GOLGB1: variants seen among roughly 807,000 people sequenced by gnomAD.
GOLGB1 encodes golgin subfamily B member 1.
In GOLGB1, 174 loss-of-function variants were observed where a neutral mutation model predicts 336.9. The ratio of observed to expected loss-of-function variants is 0.52; its 90% CI spans 0.46 to 0.59. GOLGB1 has a LOEUF of 0.59. GOLGB1 is among the 20% of genes least tolerant of loss of function. GOLGB1 has a pLI of 0.00. For missense variants in GOLGB1, 3,331 were observed against 3,645.3 expected, an observed-to-expected ratio of 0.91 and a Z score of 2.22; for synonymous variants, 1,208 against 1,289.2, an observed-to-expected ratio of 0.94 and a Z score of 1.35.
chr3:121,667,407 C>T (rs1296114972), intron 20 of GOLGB1, 69 bp downstream of exon 20: 2 of 1,472,228 alleles, frequency 1.4e-6, no homozygotes, highest in East Asian at 2.3e-5. Context: ...CTAAGTCTGG[C>T]AGGAAATGTA....
chr3:121,749,276 T>C (rs772029868), intron 1 of GOLGB1: 4 of 152,386 alleles, frequency 2.6e-5, no homozygotes, highest in Non-Finnish European at 5.9e-5. Context: ...GGAGGCCGAC[T>C]TAGGCAGGCC....
chr3:121,729,416 A>G, intron 3 of GOLGB1, 76 bp from the exon 4 acceptor site: 2 of 1,166,636 alleles, frequency 1.7e-6, no homozygotes, highest in Non-Finnish European at 2.4e-6. Flanking sequence ...AGTTATTTTT[A>G]TTATTATTAC....
At chr3:121,680,880 A>G (rs1162246603) in intron 15 of GOLGB1, among the ~76,000 whole-genome samples, 1 of 152,366 alleles carries the variant, frequency 6.6e-6, no homozygotes, top group East Asian at 1.9e-4. Flanking sequence ...GATGTCAAAT[A>G]CACACATTAA....
At position 121,717,099 on chromosome 3, in the gene GOLGB1, T is replaced by C. The variant is rs116754808; in HGVS notation, c.926A>G (p.Asn309Ser). 147 of 1,613,168 alleles carry C rather than the reference T, an allele frequency of 9.1e-5. 2 individuals carry two copies. In the East Asian group the frequency reaches 3.3e-3, roughly 36 times the overall value. The change falls in exon 9 of 22, where the codon AAT becomes AGT. Residue 309 changes from asparagine to serine, a missense_variant. Asn to Ser is a conservative substitution (Grantham distance 46). Coordinates refer to ENST00000614479, the MANE Select transcript of GOLGB1 (RefSeq NM_001366282.2). Reference protein sequence around the residue: ...QQLQQMEAEHNTLRNTVETER... With the variant: ...QQLQQMEAEHSTLRNTVETER... ...TGTTTCCACAGTGTTCCTCAAAGTA[T>C]TATGCTCAGCTTCCATCTGCTGTAA...
intron 4 of GOLGB1, among the ~76,000 whole-genome samples, chr3:121,727,658 AT>A (rs1413416059): frequency 2.6e-5 from 4 of 151,748 alleles, no homozygotes; most frequent in African/African-American, 9.7e-5. Context: ...GGGAAATCCA[AT>A]TTTTTCAATA....
intron 9 of GOLGB1, 152 bp from the exon 10 acceptor site, chr3:121,715,128 G>A (rs1205256954): frequency 7.6e-6 from 4 of 527,762 alleles, no homozygotes; most frequent in African/African-American, 5.9e-5. Flanking sequence ...TTAGCTAAAT[G>A]TTAAATGTTC....
intron 14 of GOLGB1, among the ~76,000 whole-genome samples, chr3:121,683,152 T>C (rs1332050513): frequency 7.0e-6 from 1 of 142,894 alleles, no homozygotes; most frequent in African/African-American, 2.6e-5. Context: ...TCCCTCCACC[T>C]TGGCCTCCCG....
intron 1 of GOLGB1, among the ~76,000 whole-genome samples, chr3:121,737,867 C>T (rs1257632289): frequency 6.6e-6 from 1 of 151,768 alleles, no homozygotes; most frequent in East Asian, 1.9e-4. Context: ...GGAAAAGATA[C>T]GTGAGACAGA....
chr3:121,676,847 T>A, intron 17 of GOLGB1, 46 bp downstream of exon 17: 1 of 1,578,234 alleles, frequency 6.3e-7, no homozygotes, highest in South Asian at 1.1e-5. Context: ...CTTGTTCCAG[T>A]CATGGAAAAA....
rs369930739 is a variant in GOLGB1, at chr3:121,696,228, G to C, written c.4295C>G (p.Thr1432Arg). The C allele has an allele frequency of 3.7e-6, 6 of 1,613,774 alleles. No individual in the cohort carries two copies. Among genetic ancestry groups the C allele is most frequent in the Non-Finnish European group, 5.1e-6 (6 of 1,179,870 alleles). Residue 1432 changes from threonine to arginine, a missense_variant, in exon 13 of 22, where the codon ACA becomes AGA. Transcript: ENST00000614479. ...EKEAALTKIQ[T>R]EIIEQEDLIK... Reference sequence around the variant, plus strand: ...TAAATCTTCTTGTTCTATTATCTCTGTCTGTATTTTAGTGAGAGCTGCTTC... The same window carrying C: ...TAAATCTTCTTGTTCTATTATCTCTCTCTGTATTTTAGTGAGAGCTGCTTC...
rs149032550 is a variant in GOLGB1 at position 121,694,183 on chromosome 3, T to C, written c.6340A>G (p.Lys2114Glu). 8.7e-6 allele frequency: 14 copies of C among 1,613,296 alleles called. No homozygotes were observed. The African/African-American group carries it at 1.3e-4, about 15-fold the overall frequency. The change falls in exon 13 of 22, where the codon AAA (lysine) becomes GAA (glutamate). Residue 2114 changes from lysine (K) to glutamate (E), a missense_variant. Lys to Glu is a moderately conservative substitution (Grantham distance 56). Transcript: ENST00000614479. ...LKLKKELQSN[K>E]ESVKSQMKQK... ...TTCATCTGGCTTTTAACTGATTCTT[T>C]ATTTGACTGAAGTTCCTTTTTCAAC... is the stretch of plus-strand genomic sequence containing the variant.
At chr3:121,721,303 A>G (rs1945177152) in intron 6 of GOLGB1, among the ~76,000 whole-genome samples, 1 of 152,008 alleles carries the variant, frequency 6.6e-6, no homozygotes, top group African/African-American at 2.4e-5. Flanking sequence ...AGGGAAAAAA[A>G]TCTTTCATGA....
intron 10 of GOLGB1, among the ~76,000 whole-genome samples, chr3:121,704,776 C>CAA (rs71133560): frequency 0.19 from 20,565 of 106,152 alleles, 2,723 homozygotes; most frequent in Non-Finnish European, 0.23. Flanking sequence ...AACTCCATCT[C>CAA]AAAAAAAAAA....
Position 121,706,805 on chromosome 3 carries a change from C to T in GOLGB1, c.1405-4210G>A, listed in dbSNP as rs879788000. Among the ~76,000 whole-genome samples, 16 of 129,702 alleles carry T rather than the reference C, an allele frequency of 1.2e-4. No homozygotes were observed. In the Admixed American group the frequency reaches 1.3e-3, roughly 10 times the overall value. 85.1% of individuals were successfully genotyped at this position (129,702 alleles called of 152,430 possible). A position where few individuals can be genotyped will look rare whatever the true frequency, so the allele number is the denominator to read the frequency against. ...CAAGAAAGAAGACAGTAGAGTAATA[C>T]ACTTAGAGAAATGAAAGAAAAAAAA... is the stretch of plus-strand genomic sequence containing the variant. On this transcript the variant is annotated intron_variant, in intron 10 of 21. Coordinates refer to ENST00000614479, the MANE Select transcript of GOLGB1 (RefSeq NM_001366282.2).
In GOLGB1 at chr3:121,696,084, C is replaced by T. The variant is rs746736190; in HGVS notation, c.4439G>A (p.Ser1480Asn). ...KQKPEEIGEESRAKQQIQRKL... is the reference protein window; with the variant it reads ...KQKPEEIGEENRAKQQIQRKL... The stretch of plus-strand genomic sequence containing the variant: ...CCTTTGTATTTGTTGCTTTGCTCTA[C>T]TTTCTTCTCCAATCTCTTCTGGTTT... Residue 1480 changes from serine (S) to asparagine (N), a missense_variant, in exon 13 of 22, where the codon AGT becomes AAT. Transcript: ENST00000614479. 6 of 1,613,860 alleles carry T rather than the reference C, an allele frequency of 3.7e-6. No individual in the cohort carries two copies. The highest frequency in any genetic ancestry group is 3.3e-5 in the South Asian group (3 of 91,042).
intron 18 of GOLGB1, chr3:121,668,393 G>T: frequency 3.2e-6 from 1 of 314,086 alleles, no homozygotes; most frequent in Non-Finnish European, 5.9e-6. Context: ...GTTAAGTCTG[G>T]GCCGGGCGCC....
chr3:121,709,291 TCAAAGA>T (rs1485942750), intron 10 of GOLGB1, among the ~76,000 whole-genome samples: 1 of 152,044 alleles, frequency 6.6e-6, no homozygotes, highest in Non-Finnish European at 1.5e-5. Flanking sequence ...CAGACAAAAG[TCAAAGA>T]CAAAGATAAC....
intron 14 of GOLGB1, among the ~76,000 whole-genome samples, chr3:121,687,397 C>T (rs559406555): frequency 9.9e-5 from 15 of 152,242 alleles, no homozygotes; most frequent in African/African-American, 3.6e-4. Flanking sequence ...TTCAGAAAGA[C>T]TTATATGGTG....
chr3:121,693,332 C>CA (rs1454358711), intron 13 of GOLGB1, among the ~76,000 whole-genome samples: 3 of 152,140 alleles, frequency 2.0e-5, no homozygotes, highest in East Asian at 1.9e-4. Context: ...ACTAAAAATA[C>CA]AAAAAATTAG....
Sources: allele counts gnomAD v4.1 joint callset (sites outside exome capture counted in the v4.1 genomes callset), GRCh38; gene constraint gnomAD v4.1.1; transcripts MANE v1.5; gene names NCBI Gene and HGNC (gene_info 2026-07-23, HGNC 2026-07-21).